Variants in ZUP1 observed in about 807,000 individuals in gnomAD.
ZUP1 encodes the protein zinc finger containing ubiquitin peptidase 1.
Under a neutral mutation model 68.1 loss-of-function variants are expected in ZUP1, and 55 were observed. That is an observed-to-expected ratio of 0.81 (90% CI 0.65 to 1.01). The LOEUF (loss-of-function observed/expected upper bound fraction) is 1.01, where lower values mean the gene tolerates loss of function less well. Ranked by LOEUF, ZUP1 falls within the 50% of genes least tolerant of loss-of-function variation. The pLI is 0.00. For synonymous variants in ZUP1, 223 were observed against 221.5 expected (o/e 1.01, Z -0.06); for missense variants, 684 against 674.9 (o/e 1.01, Z -0.15).
At chr6:116,648,342 G>T (rs532433540) in intron 7 of ZUP1, among the ~76,000 whole-genome samples, 1 of 152,278 alleles carries the variant, frequency 6.6e-6, no homozygotes, top group South Asian at 2.1e-4. Context: ...CTACAGCACA[G>T]ATATCCTGTT....
chr6:116,640,500 C>T (rs1776062507), intron 9 of ZUP1, among the ~76,000 whole-genome samples: 1 of 151,912 alleles, frequency 6.6e-6, no homozygotes, highest in South Asian at 2.1e-4. Context: ...TCAGCAGAAA[C>T]TCTACAAGCC....
chr6:116,658,777 A>G, intron 4 of ZUP1, 26 bp downstream of exon 4: 1 of 1,537,996 alleles, frequency 6.5e-7, no homozygotes, highest in Non-Finnish European at 8.8e-7. Context: ...AAATCAAAAT[A>G]TTATAATTGT....
chr6:116,666,603 CTTATAAT>C, intron 2 of ZUP1, 24 bp downstream of exon 2: 2 of 1,505,702 alleles, frequency 1.3e-6, no homozygotes, highest in Non-Finnish European at 1.8e-6. Flanking sequence ...AGGCTGTAAA[CTTATAAT>C]TTATAATGAA....
chr6:116,635,979 T>G, intron 9 of ZUP1, 100 bp from the exon 10 acceptor site: 1 of 804,032 alleles, frequency 1.2e-6, no homozygotes, highest in African/African-American at 1.8e-5. Flanking sequence ...GAATTTTTTT[T>G]CAAGATAATA....
chr6:116,649,517 G>A (rs568016883), intron 7 of ZUP1, among the ~76,000 whole-genome samples: 1 of 152,154 alleles, frequency 6.6e-6, no homozygotes, highest in South Asian at 2.1e-4. Flanking sequence ...AAATCAGAGA[G>A]AGGCTGAAAG....
At chr6:116,640,080 G>C (rs992008443) in intron 9 of ZUP1, among the ~76,000 whole-genome samples, 1 of 152,218 alleles carries the variant, frequency 6.6e-6, no homozygotes, top group East Asian at 1.9e-4. Flanking sequence ...CTGGAAGAAA[G>C]GGTATCAGCG....
chr6:116,646,463 G>A (rs1475621901), intron 8 of ZUP1, among the ~76,000 whole-genome samples: 3 of 152,140 alleles, frequency 2.0e-5, no homozygotes, highest in Non-Finnish European at 4.4e-5. Flanking sequence ...GTATATAACA[G>A]CAAACAAAAC....
At chr6:116,668,332 GATT>G in intron 1 of ZUP1, among the ~76,000 whole-genome samples, 1 of 152,312 alleles carries the variant, frequency 6.6e-6, no homozygotes, top group African/African-American at 2.4e-5. Context: ...CATGGACTCA[GATT>G]AAGCGGGTAA....
chr6:116,661,775 C>A (rs187234794), intron 2 of ZUP1, among the ~76,000 whole-genome samples: 13 of 152,282 alleles, frequency 8.5e-5, no homozygotes, highest in Admixed American at 7.8e-4. Flanking sequence ...TGTGAAGGAA[C>A]CATGAAACTG....
intron 5 of ZUP1, among the ~76,000 whole-genome samples, chr6:116,653,952 T>A (rs1383191821): frequency 6.6e-6 from 1 of 152,062 alleles, no homozygotes; most frequent in African/African-American, 2.4e-5. Context: ...AGTAAATTTA[T>A]CTTCAGTTAA....
chr6:116,650,496 T>C (rs1487074490), intron 7 of ZUP1, among the ~76,000 whole-genome samples: 1 of 149,548 alleles, frequency 6.7e-6, no homozygotes, highest in Non-Finnish European at 1.5e-5. Flanking sequence ...AACAGAGACA[T>C]TATAATTATC....
At chr6:116,639,182 G>C (rs534222180) in intron 9 of ZUP1, among the ~76,000 whole-genome samples, 1 of 152,180 alleles carries the variant, frequency 6.6e-6, no homozygotes, top group Non-Finnish European at 1.5e-5. Context: ...CAAAGCAGCC[G>C]GGAAGCTCGA....
intron 4 of ZUP1, among the ~76,000 whole-genome samples, chr6:116,657,218 A>C (rs1291491112): frequency 6.6e-6 from 1 of 152,204 alleles, no homozygotes; most frequent in Non-Finnish European, 1.5e-5. Context: ...TTTGGTTCCC[A>C]GTCTAGTCCA....
chr6:116,658,732 T>C lies in ZUP1; in HGVS notation c.792+71A>G, dbSNP rs993578265. On this transcript the variant is annotated intron_variant, in intron 4 of 9. Coordinates refer to ENST00000368576, the MANE Select transcript of ZUP1 (RefSeq NM_145062.3). ...TGAATAATAACAAGGACAAAAATAA[T>C]ACACTGGAAAGCATATTTGAAAAAT... 50 of 1,401,082 alleles carry C rather than the reference T, an allele frequency of 3.6e-5. No individual in the cohort carries two copies. The East Asian group carries it at 4.0e-4, about 11-fold the overall frequency. 86.8% of individuals were successfully genotyped at this position (1,401,082 alleles called of 1,614,324 possible).
chr6:116,651,860 T>C (rs1053237381), intron 6 of ZUP1, 123 bp from the exon 7 acceptor site: 4 of 1,402,294 alleles, frequency 2.9e-6, no homozygotes, highest in East Asian at 2.4e-5. Flanking sequence ...ACATCTTCTA[T>C]CATTTTCTCT....
intron 9 of ZUP1, among the ~76,000 whole-genome samples, chr6:116,644,583 G>T (rs1042006367): frequency 5.3e-5 from 8 of 151,148 alleles, no homozygotes; most frequent in African/African-American, 1.2e-4. Context: ...GTAAACTATC[G>T]CAAGAACAAA....
In ZUP1 at chr6:116,637,790, C is replaced by T. The variant is rs552136194; in HGVS notation, c.1690-1911G>A. On this transcript the variant is annotated intron_variant, in intron 9 of 9. Transcript: ENST00000368576. ...TTAAAAAAATTAATGTGGCTGGGCA[C>T]GGTGGCTCACGCCTGTAATCCCAGC... Among the ~76,000 whole-genome samples the T allele has an allele frequency of 1.9e-3, 285 of 152,266 alleles. 3 individuals carry two copies. Among genetic ancestry groups the T allele is most frequent in the Middle Eastern group, 6.8e-3 (2 of 294 alleles).
chr6:116,660,906 T>TC, intron 2 of ZUP1, 60 bp from the exon 3 acceptor site: 2 of 734,176 alleles, frequency 2.7e-6, no homozygotes, highest in South Asian at 2.5e-5. Flanking sequence ...TTTCTTTGCT[T>TC]TTTTTTTTTT....
At chr6:116,666,286 C>T (rs1033179929) in intron 2 of ZUP1, among the ~76,000 whole-genome samples, 1 of 152,016 alleles carries the variant, frequency 6.6e-6, no homozygotes. Context: ...AGTTTGTTCT[C>T]CAATCATAAC....
Sources: gnomAD v4.1 joint callset for allele counts (sites outside exome capture counted in the v4.1 genomes callset) on GRCh38, gnomAD v4.1.1 for gene constraint, MANE v1.5 for transcripts, NCBI Gene and HGNC (gene_info 2026-07-23, HGNC 2026-07-21) for gene names.